Variants in SIPA1L2 observed in about 807,000 individuals in gnomAD.
SIPA1L2 encodes signal-induced proliferation-associated 1-like protein 2.
Under a neutral mutation model 163.9 loss-of-function variants are expected in SIPA1L2, and 56 were observed. The ratio of observed to expected loss-of-function variants is 0.34; its 90% CI spans 0.28 to 0.43. SIPA1L2 has a LOEUF of 0.43. Ranked by LOEUF, SIPA1L2 falls within the 20% of genes least tolerant of loss-of-function variation. The pLI is 1.00. For missense variants in SIPA1L2, 1,974 were observed against 2,193.5 expected, an observed-to-expected ratio of 0.90 and a Z score of 2.00; for synonymous variants, 877 against 865.7, an observed-to-expected ratio of 1.01 and a Z score of -0.23.
chr1:232,520,874 A>G (rs912492935), intron 2 of SIPA1L2, among the ~76,000 whole-genome samples: 1 of 152,206 alleles, frequency 6.6e-6, no homozygotes, highest in Non-Finnish European at 1.5e-5. Context: ...CCAAAAACTA[A>G]GCCTGGTATT....
chr1:232,582,232 T>C (rs189136457), intron 1 of SIPA1L2, among the ~76,000 whole-genome samples: 1 of 152,298 alleles, frequency 6.6e-6, no homozygotes, highest in Non-Finnish European at 1.5e-5. Flanking sequence ...GTTTGTTACA[T>C]GGGTATATTG....
intron 14 of SIPA1L2, 50 bp downstream of exon 14, chr1:232,441,241 C>A: frequency 7.1e-7 from 1 of 1,401,042 alleles, no homozygotes; most frequent in African/African-American, 1.5e-5. Flanking sequence ...TGTGCTGAGA[C>A]AGATCAGTCC....
At chr1:232,541,821 T>C (rs1336849152) in intron 2 of SIPA1L2, among the ~76,000 whole-genome samples, 1 of 147,802 alleles carries the variant, frequency 6.8e-6, no homozygotes, top group East Asian at 2.0e-4. Context: ...TTCTACAATC[T>C]AGGTGGCAAG....
intron 14 of SIPA1L2, 122 bp from the exon 15 acceptor site, chr1:232,439,618 T>C (rs1187427032): frequency 2.6e-6 from 3 of 1,143,442 alleles, no homozygotes; most frequent in Non-Finnish European, 3.7e-6. Context: ...CACTCTTCAA[T>C]GTGGGCAATG....
In SIPA1L2 at chr1:232,425,651, G is replaced by C. The variant is rs1007706842; in HGVS notation, c.4568C>G (p.Pro1523Arg). 14 of 1,612,940 alleles carry C rather than the reference G, an allele frequency of 8.7e-6. No homozygotes were observed. In the African/African-American group the frequency reaches 1.5e-4, roughly 17 times the overall value. The change falls in exon 18 of 23, where the codon CCA becomes CGA. Residue 1523 changes from proline to arginine, a missense_variant. Transcript: ENST00000674635. ...LPNDILFSTT[P>R]PYHSTLPPRA... Reference sequence around the variant, plus strand: ...CGGAGGCAGCGTGCTGTGGTAGGGTGGGGTGGTGCTGAACAGAATGTCGTT... The same window carrying C: ...CGGAGGCAGCGTGCTGTGGTAGGGTCGGGTGGTGCTGAACAGAATGTCGTT...
intron 1 of SIPA1L2, among the ~76,000 whole-genome samples, chr1:232,621,795 G>A (rs562100479): frequency 3.7e-4 from 56 of 151,460 alleles, no homozygotes; most frequent in Admixed American, 1.1e-3. Context: ...CCACTGGCAC[G>A]ATCAGCCCAC....
rs755350932 is a variant in SIPA1L2 at position 232,514,817 on chromosome 1, A to G, written c.523T>C (p.Leu175=). ...TTGGGGTTGACTGCATTTTGGTCTA[A>G]GACATCTTCGGCATCAATGTCACTG... ...TISDIDAEDV[L]DQNAVNPNTG... The change falls in exon 3 of 23, where the codon TTA becomes CTA. Residue 175 remains leucine, a synonymous_variant. Coordinates refer to ENST00000674635, the MANE Select transcript of SIPA1L2 (RefSeq NM_020808.5). The G allele has an allele frequency of 1.9e-5, 30 of 1,614,060 alleles. No homozygotes were observed. The South Asian group carries it at 3.1e-4, about 17-fold the overall frequency.
At chr1:232,477,677 C>T (rs1283350307) in intron 7 of SIPA1L2, among the ~76,000 whole-genome samples, 2 of 152,136 alleles carry the variant, frequency 1.3e-5, no homozygotes, top group African/African-American at 2.4e-5. Flanking sequence ...GATTTTTGCG[C>T]ATACAATTTT....
At chr1:232,482,629 C>T (rs1257826005) in intron 6 of SIPA1L2, among the ~76,000 whole-genome samples, 1 of 152,158 alleles carries the variant, frequency 6.6e-6, no homozygotes, top group African/African-American at 2.4e-5. Flanking sequence ...TACACCATCG[C>T]AGAGGCTTGT....
intron 1 of SIPA1L2, among the ~76,000 whole-genome samples, chr1:232,584,693 G>A (rs1409044300): frequency 6.6e-6 from 1 of 152,142 alleles, no homozygotes; most frequent in East Asian, 1.9e-4. Flanking sequence ...GTTTTCCCTT[G>A]GCCCCTACAA....
Position 232,460,910 on chromosome 1 carries a change from G to T in SIPA1L2, c.3072C>A (p.Pro1024=), listed in dbSNP as rs1368962646. 1 of 1,614,072 alleles carries T rather than the reference G, an allele frequency of 6.2e-7. No individual in the cohort carries two copies. The highest frequency in any genetic ancestry group is 1.7e-5 in the Admixed American group (1 of 60,032). The change falls in exon 10 of 23, where the codon CCC becomes CCA. Residue 1024 remains proline (P), a synonymous_variant. Coordinates refer to ENST00000674635, the MANE Select transcript of SIPA1L2 (RefSeq NM_020808.5). ...ACCTTCGGGGCGAGCCGTCATCATG[G>T]GGCTGGATGATGACCACCTTCACAG... ...SVTVKVVIIQ[P]HDDGSPRRGC...
At chr1:232,585,663 A>T (rs1367137798) in intron 1 of SIPA1L2, among the ~76,000 whole-genome samples, 1 of 152,252 alleles carries the variant, frequency 6.6e-6, no homozygotes, top group Non-Finnish European at 1.5e-5. Flanking sequence ...AAGAGAACAA[A>T]GGAGGAAGAA....
chr1:232,562,429 C>G (rs547551135), intron 2 of SIPA1L2, among the ~76,000 whole-genome samples: 40 of 152,222 alleles, frequency 2.6e-4, no homozygotes, highest in Admixed American at 4.6e-4. Flanking sequence ...AAAGTCAAAG[C>G]TACACAGGAA....
chr1:232,545,763 T>C (rs1000882650), intron 2 of SIPA1L2, among the ~76,000 whole-genome samples: 3 of 152,250 alleles, frequency 2.0e-5, no homozygotes, highest in African/African-American at 7.2e-5. Context: ...TTAGCAGTAA[T>C]AGAATTACAT....
At chr1:232,520,419 T>C (rs1667411109) in intron 2 of SIPA1L2, among the ~76,000 whole-genome samples, 1 of 152,254 alleles carries the variant, frequency 6.6e-6, no homozygotes, top group Non-Finnish European at 1.5e-5. Context: ...GTCTTGGTAA[T>C]AATTTTAAAG....
chr1:232,403,363 C>A (rs573068985), intron 21 of SIPA1L2, 85 bp downstream of exon 21: 102 of 1,534,054 alleles, frequency 6.6e-5, no homozygotes, highest in Admixed American at 4.5e-4. Flanking sequence ...GGTCGCCCGC[C>A]TGGCTCAGGG....
intron 2 of SIPA1L2, among the ~76,000 whole-genome samples, chr1:232,528,102 A>ATATATATATATATCTATC (rs34779799): frequency 8.4e-6 from 1 of 118,494 alleles, no homozygotes; most frequent in African/African-American, 3.5e-5. Context: ...ATATATATAT[A>ATATATATATATATCTATC]ATCAACTTTC....
rs745574982 is a variant in SIPA1L2 at position 232,514,735 on chromosome 1, C to G, written c.605G>C (p.Gly202Ala). The G allele has an allele frequency of 6.2e-7, 1 of 1,614,058 alleles. No homozygotes were observed. Among genetic ancestry groups the G allele is most frequent in the Non-Finnish European group, 8.5e-7 (1 of 1,180,026 alleles). ...YGSTSSIDRQ[G>A]LSGENFFAML... Reference sequence around the variant, plus strand: ...AGCAAAAAAGTTTTCACCAGATAAGCCTTGCCTGTCGATGGATGAAGTACT... The same window carrying G: ...AGCAAAAAAGTTTTCACCAGATAAGGCTTGCCTGTCGATGGATGAAGTACT... The change falls in exon 3 of 23, where the codon GGC becomes GCC. Residue 202 changes from glycine (G) to alanine (A), a missense_variant. Gly to Ala is a moderately conservative substitution (Grantham distance 60). Around this residue, in one of 3 missense-constraint regions of SIPA1L2, gnomAD observed 607 missense variants for 624.0 expected, o/e 0.97. Transcript: ENST00000674635.
chr1:232,518,398 A>G (rs1667306415), intron 2 of SIPA1L2, among the ~76,000 whole-genome samples: 1 of 152,124 alleles, frequency 6.6e-6, no homozygotes, highest in East Asian at 1.9e-4. Flanking sequence ...CCTGGCCACA[A>G]TTATTGGTCC....
Sources: gnomAD v4.1 joint callset for allele counts (sites outside exome capture counted in the v4.1 genomes callset) on GRCh38, gnomAD v4.1.1 for gene constraint, gnomAD v4.1.1 regional missense constraint, MANE v1.5 for transcripts, NCBI Gene and HGNC (gene_info 2026-07-23, HGNC 2026-07-21) for gene names.